ZSCAN18: variants seen among roughly 807,000 people sequenced by gnomAD.
The protein encoded by ZSCAN18 is zinc finger and SCAN domain containing 18.
A neutral mutation model predicts 31.1 loss-of-function variants in ZSCAN18; 16 were observed. That is an observed-to-expected ratio of 0.51 (90% CI 0.35 to 0.78). The LOEUF (loss-of-function observed/expected upper bound fraction) is 0.78, where lower values mean the gene tolerates loss of function less well. ZSCAN18 is among the 30% of genes least tolerant of loss of function. The pLI, the probability that ZSCAN18 is intolerant of heterozygous loss-of-function variation, is 0.01. For missense variants in ZSCAN18, 731 were observed against 697.4 expected (o/e 1.05, Z -0.54); for synonymous variants, 375 against 320.7 (o/e 1.17, Z -1.81).
In ZSCAN18 at chr19:58,117,510, G is replaced by A. The variant is rs115156092; in HGVS notation, c.130+757C>T. Among the ~76,000 whole-genome samples the A allele has an allele frequency of 7.7e-3, 1,165 of 152,246 alleles. 27 individuals are homozygous for A. Among genetic ancestry groups the A allele is most frequent in the African/African-American group, 0.026 (1,077 of 41,524 alleles). On this transcript the variant is annotated intron_variant, in intron 1 of 1. Coordinates refer to the ZSCAN18 transcript ENST00000595721. ...GGCAGAGGAGGAAGCCATCTCTTGG[G>A]ATAAAGGAGAGGAAGAACAGGGTTG...
chr19:58,090,444 A>T lies in ZSCAN18; in HGVS notation c.-119-58T>A. On this transcript the variant is annotated intron_variant, in intron 1 of 6. Transcript: ENST00000601144. This position sits in a 1 kb window ranked among gnomAD's most constrained non-coding sequence, Gnocchi z 4.7. ...CATAAGGCCAGGGCGCAGCCACCCC[A>T]GCTGCCAGAGAACAAAGACACCACA... The T allele has an allele frequency of 7.0e-7, 1 of 1,429,076 alleles. No individual in the cohort carries two copies. The highest frequency in any genetic ancestry group is 9.3e-7 in the Non-Finnish European group (1 of 1,079,156). 88.5% of individuals were successfully genotyped at this position (1,429,076 alleles called of 1,614,324 possible). A position where few individuals can be genotyped will look rare whatever the true frequency, so the allele number is the denominator to read the frequency against.
chr19:58,088,565 G>C, intron 3 of ZSCAN18, 123 bp downstream of exon 3: 10 of 939,626 alleles, frequency 1.1e-5, no homozygotes, highest in Non-Finnish European at 1.6e-5. Flanking sequence ...AAGTCCCAAT[G>C]ATAGCATGGA....
intron 1 of ZSCAN18, among the ~76,000 whole-genome samples, chr19:58,115,027 T>C (rs1385733210): frequency 1.3e-5 from 2 of 152,168 alleles, no homozygotes; most frequent in Non-Finnish European, 2.9e-5. Flanking sequence ...AAAATGCTAG[T>C]TTGTAAGGCC....
chr19:58,105,214 GAA>G (rs2074625784), intron 1 of ZSCAN18, among the ~76,000 whole-genome samples: 1 of 152,218 alleles, frequency 6.6e-6, no homozygotes, highest in African/African-American at 2.4e-5. Context: ...TTCCTCCTGA[GAA>G]AAAAAGATTC....
exon 1 of ZSCAN18, chr19:58,118,317 A>C: frequency 5.2e-6 from 8 of 1,529,440 alleles, no homozygotes; most frequent in Non-Finnish European, 7.0e-6. Flanking sequence ...GAGGAAACAG[A>C]CCCGAGAGGC....
intron 1 of ZSCAN18, among the ~76,000 whole-genome samples, chr19:58,104,229 A>T (rs972756519): frequency 2.1e-4 from 32 of 152,072 alleles, no homozygotes; most frequent in Non-Finnish European, 5.9e-5. Flanking sequence ...AAATACAAAA[A>T]TTAGCTGGGC....
chr19:58,100,349 T>C (rs2074583288), upstream of ZSCAN18, among the ~76,000 whole-genome samples: 1 of 152,094 alleles, frequency 6.6e-6, no homozygotes. Flanking sequence ...GTGCAGTGCA[T>C]CCATGTACCG....
chr19:58,090,426 C>T lies in ZSCAN18; in HGVS notation c.-119-40G>A, dbSNP rs1367114227. On this transcript the variant is annotated intron_variant, in intron 1 of 6. Transcript: ENST00000601144. This position sits in a 1 kb window ranked among gnomAD's most constrained non-coding sequence, Gnocchi z 4.7. ...GACAAGGCAATGGCCTTGCATAAGG[C>T]CAGGGCGCAGCCACCCCAGCTGCCA... The T allele has an allele frequency of 2.1e-6, 3 of 1,459,674 alleles. No homozygotes were observed. The highest frequency in any genetic ancestry group is 2.8e-5 in the African/African-American group (2 of 70,300). The allele number at this position is 1,459,674 out of a possible 1,614,324, so 90.4% of individuals were successfully genotyped here.
At position 58,084,723 on chromosome 19, in the gene ZSCAN18, C is replaced by A; in HGVS notation, c.1495G>T (p.Gly499Cys). Residue 499 changes from glycine to cysteine, a missense_variant, in exon 7 of 7, where the codon GGC becomes TGC. By Grantham distance (159) the Gly-to-Cys change is radical (BLOSUM62 -3). This residue lies in a region of ZSCAN18 where 597 missense variants were observed against 499.5 expected (regional missense o/e 1.20). Coordinates refer to ENST00000601144, the MANE Select transcript of ZSCAN18 (RefSeq NM_001145543.2). The surrounding 1 kb of genome is among the most constrained non-coding windows in gnomAD (Gnocchi z 4.5). Reference sequence around the variant, plus strand: ...TCTGGGGGTGCGGGGGGAGCCTCGCCCTCCACGCTCTCTGGGGGACCGCCC... The same window carrying A: ...TCTGGGGGTGCGGGGGGAGCCTCGCACTCCACGCTCTCTGGGGGACCGCCC... ...RAGGPPESVE[G>C]EAPPAPPEAQ... The A allele has an allele frequency of 6.6e-7, 1 of 1,521,700 alleles. No individual in the cohort carries two copies. The highest frequency in any genetic ancestry group is 8.7e-7 in the Non-Finnish European group (1 of 1,144,564). The allele number at this position is 1,521,700 out of a possible 1,614,324, so 94.3% of individuals were successfully genotyped here.
chr19:58,108,254 T>C (rs2074652074), intron 1 of ZSCAN18: 2 of 985,510 alleles, frequency 2.0e-6, no homozygotes, highest in Non-Finnish European at 2.4e-6. Context: ...ACCCAGTACA[T>C]ACATAGGGCT....
chr19:58,112,160 C>G (rs986805685), intron 1 of ZSCAN18, among the ~76,000 whole-genome samples: 1 of 152,132 alleles, frequency 6.6e-6, no homozygotes, highest in Admixed American at 6.5e-5. Flanking sequence ...CTCAGTCTCC[C>G]CATAGCTGGG....
intron 1 of ZSCAN18, among the ~76,000 whole-genome samples, chr19:58,114,439 TTTATG>T (rs750837386): frequency 3.3e-5 from 2 of 61,132 alleles, no homozygotes; most frequent in Non-Finnish European, 1.0e-4. Flanking sequence ...TGCCAACATA[TTTATG>T]AGTAAAGTGT....
In ZSCAN18 at chr19:58,090,312, A is replaced by T; in HGVS notation, c.-45T>A. ...AAAATGTGACTGTCTAGCCAGGGAC[A>T]AGGTGGCTCCAAAGGAGAGGTGCCA... On this transcript the variant is annotated 5_prime_UTR_variant, in exon 2 of 7. Transcript: ENST00000601144. This position sits in a 1 kb window ranked among gnomAD's most constrained non-coding sequence, Gnocchi z 4.7. The T allele has an allele frequency of 6.2e-7, 1 of 1,613,062 alleles. No individual in the cohort carries two copies. The highest frequency in any genetic ancestry group is 8.5e-7 in the Non-Finnish European group (1 of 1,179,696).
At chr19:58,095,854 G>A (rs1209470008) in intron 1 of ZSCAN18, among the ~76,000 whole-genome samples, 1 of 152,196 alleles carries the variant, frequency 6.6e-6, no homozygotes, top group African/African-American at 2.4e-5. Context: ...CAAAGCAGAA[G>A]CTTCCATGGA....
chr19:58,086,307 A>G, intron 5 of ZSCAN18, 41 bp from the exon 6 acceptor site: 1 of 1,572,870 alleles, frequency 6.4e-7, no homozygotes, highest in East Asian at 2.2e-5. Context: ...AGGCATCAAC[A>G]CAGAGTGGCT....
At chr19:58,107,601 A>G (rs529547708) in intron 1 of ZSCAN18, 2 of 922,660 alleles carry the variant, frequency 2.2e-6, no homozygotes, top group South Asian at 5.0e-5. Flanking sequence ...TGCGGTAAAC[A>G]CATGTGCTGT....
intron 1 of ZSCAN18, chr19:58,107,495 A>C (rs2074643928): frequency 4.4e-6 from 1 of 225,952 alleles, no homozygotes; most frequent in African/African-American, 2.3e-5. Flanking sequence ...CAAGAGGCAG[A>C]GGCTGCAGGG....
chr19:58,091,393 C>A (rs1162886101), intron 1 of ZSCAN18, among the ~76,000 whole-genome samples: 1 of 151,962 alleles, frequency 6.6e-6, no homozygotes, highest in Non-Finnish European at 1.5e-5. Flanking sequence ...TAGAAAAAAG[C>A]GTAGGGAGCG....
chr19:58,108,045 G>T, intron 1 of ZSCAN18: 1 of 1,009,432 alleles, frequency 9.9e-7, no homozygotes. Flanking sequence ...TGTGCCTGAT[G>T]AGGTACATAA....
Sources: gnomAD v4.1 joint callset for allele counts (sites outside exome capture counted in the v4.1 genomes callset) on GRCh38, gnomAD v4.1.1 for gene constraint, gnomAD v4.1.1 regional missense constraint, Gnocchi (gnomAD v3.1) non-coding constraint, MANE v1.5 for transcripts, NCBI Gene and HGNC (gene_info 2026-07-23, HGNC 2026-07-21) for gene names.